The following RAB13 variants were observed in gnomAD, a reference collection of about 807,000 sequenced individuals.
RAB13 encodes the protein RAB13, member RAS oncogene family.
Under a neutral mutation model 29.3 loss-of-function variants are expected in RAB13, and 15 were observed. The observed-to-expected ratio is 0.51, with a 90% CI of 0.34 to 0.79. RAB13 has a LOEUF of 0.79. Ranked by LOEUF, RAB13 falls within the 30% of genes least tolerant of loss-of-function variation. The pLI, the probability that RAB13 is intolerant of heterozygous loss-of-function variation, is 0.01. For missense variants in RAB13, 186 were observed against 255.5 expected, an observed-to-expected ratio of 0.73 and a Z score of 1.85; for synonymous variants, 82 against 93.8, an observed-to-expected ratio of 0.87 and a Z score of 0.73.
At chr1:153,984,308 C>T (rs1649094453) in intron 2 of RAB13, among the ~76,000 whole-genome samples, 1 of 152,124 alleles carries the variant, frequency 6.6e-6, no homozygotes, top group Admixed American at 6.6e-5. Context: ...AGCATAATGC[C>T]TCCACTAAGC....
intron 3 of RAB13, 96 bp from the exon 4 acceptor site, chr1:153,983,392 C>T (rs1649059075): frequency 3.4e-6 from 5 of 1,467,500 alleles, no homozygotes; most frequent in African/African-American, 1.4e-5. Context: ...AACACTAGGC[C>T]ATGTTGGGCC....
At chr1:153,988,754 C>A (rs1021230780), upstream of RAB13, among the ~76,000 whole-genome samples, 4 of 149,018 alleles carry the variant, frequency 2.7e-5, no homozygotes, top group East Asian at 3.9e-4. Flanking sequence ...GCTGAAATTA[C>A]AGACACCCGC....
chr1:153,983,907 TGGCTTGCGTCTATAA>T (rs1649074776), intron 2 of RAB13, among the ~76,000 whole-genome samples: 1 of 152,188 alleles, frequency 6.6e-6, no homozygotes, highest in East Asian at 1.9e-4. Flanking sequence ...CCAGGTGCCG[TGGCTTGCGTCTATAA>T]TCCCAACACT....
chr1:153,990,224 C>T (rs1350276489), upstream of RAB13, among the ~76,000 whole-genome samples: 1 of 152,150 alleles, frequency 6.6e-6, no homozygotes, highest in Non-Finnish European at 1.5e-5. Flanking sequence ...CGCCACCACG[C>T]CTGGCTAATT....
chr1:153,983,606 G>C (rs1324737453), intron 2 of RAB13, 25 bp from the exon 3 acceptor site: 1 of 1,569,438 alleles, frequency 6.4e-7, no homozygotes, highest in Non-Finnish European at 8.8e-7. Flanking sequence ...GTTTTCATGG[G>C]ATGGAATAGA....
chr1:153,982,047 C>G lies in RAB13; in HGVS notation c.*52G>C, dbSNP rs948471635. The G allele has an allele frequency of 6.7e-7, 1 of 1,500,914 alleles. No individual in the cohort carries two copies. Among genetic ancestry groups the G allele is most frequent in the African/African-American group, 1.4e-5 (1 of 72,384 alleles). 93.0% of individuals were successfully genotyped at this position (1,500,914 alleles called of 1,614,324 possible). A position where few individuals can be genotyped will look rare whatever the true frequency, so the allele number is the denominator to read the frequency against. On this transcript the variant is annotated 3_prime_UTR_variant, in exon 8 of 8. Transcript: ENST00000368575. ...ATTTCTCCCCTGCTCACTCCCTCTG[C>G]CGTTGTCTCCCTCAGGTTCAGCTTC...
chr1:153,982,430 C>A lies in RAB13; in HGVS notation c.495G>T (p.Leu165=), dbSNP rs1319495647. 1 of 1,613,980 alleles carries A rather than the reference C, an allele frequency of 6.2e-7. No homozygotes were observed. Among genetic ancestry groups the A allele is most frequent in the Admixed American group, 1.7e-5 (1 of 60,004 alleles). ...CTGACTTGAGCAAGATGTCCCGGGC[C>A]AGGGAACTAAAAGCCTAAAGTGGGG... The part of the protein sequence containing the change: ...SMNVDEAFSS[L]ARDILLKSGG... Residue 165 remains leucine, a synonymous_variant, in exon 7 of 8, where the codon CTG becomes CTT. Coordinates refer to ENST00000368575, the MANE Select transcript of RAB13 (RefSeq NM_002870.5).
chr1:153,984,293 G>A (rs1181542701), intron 2 of RAB13, among the ~76,000 whole-genome samples: 3 of 151,724 alleles, frequency 2.0e-5, no homozygotes, highest in East Asian at 1.9e-4. Context: ...GCTCTTATAT[G>A]TCATAGCATA....
intron 1 of RAB13, 117 bp from the exon 2 acceptor site, chr1:153,984,898 T>C: frequency 7.1e-7 from 1 of 1,408,214 alleles, no homozygotes; most frequent in Admixed American, 3.3e-5. Flanking sequence ...GGGGAGGCAC[T>C]TGGGGAACAA....
At position 153,981,860 on chromosome 1, in the gene RAB13, C is replaced by A; in HGVS notation, c.*239G>T. The A allele has an allele frequency of 3.5e-6, 2 of 575,058 alleles. No homozygotes were observed. The highest frequency in any genetic ancestry group is 4.3e-5 in the South Asian group (2 of 46,986). The allele number at this position is 575,058 out of a possible 1,614,324, so 35.6% of individuals were successfully genotyped here. On this transcript the variant is annotated 3_prime_UTR_variant, in exon 8 of 8. Coordinates refer to ENST00000368575, the MANE Select transcript of RAB13 (RefSeq NM_002870.5). ...AGGCATCTCTCCTTCCTTTCCTCCT[C>A]CCTCTCTTCCTACCTCCTTGCCTTC...
upstream of RAB13, chr1:153,990,621 A>G (rs1649330323): frequency 2.7e-6 from 2 of 741,672 alleles, no homozygotes; most frequent in Non-Finnish European, 4.7e-6. Context: ...ACTAACAGTT[A>G]AAGACCTTCC....
In RAB13 at chr1:153,981,964, C is replaced by T; in HGVS notation, c.*135G>A. Reference sequence around the variant, plus strand: ...TTTCCTTTCTGCTTTTCCCTTTTCTCCTTTTTCTCCTCATTCTCTTTACCA... The same window carrying T: ...TTTCCTTTCTGCTTTTCCCTTTTCTTCTTTTTCTCCTCATTCTCTTTACCA... On this transcript the variant is annotated 3_prime_UTR_variant, in exon 8 of 8. Transcript: ENST00000368575. The T allele has an allele frequency of 1.4e-6, 1 of 728,354 alleles. No individual in the cohort carries two copies. The highest frequency in any genetic ancestry group is 2.4e-6 in the Non-Finnish European group (1 of 419,934). 45.1% of individuals were successfully genotyped at this position (728,354 alleles called of 1,614,324 possible).
chr1:153,987,288 C>T (rs1441517166), upstream of RAB13, among the ~76,000 whole-genome samples: 3 of 151,830 alleles, frequency 2.0e-5, no homozygotes, highest in Non-Finnish European at 2.9e-5. Flanking sequence ...GGGCGGATCA[C>T]GAGGTCAGGA....
At chr1:153,984,625 A>G in intron 2 of RAB13, 96 bp downstream of exon 2, 1 of 1,105,412 alleles carries the variant, frequency 9.0e-7, no homozygotes, top group Non-Finnish European at 1.4e-6. Context: ...TAGAAGGAGC[A>G]ATGGGGAAAG....
chr1:153,986,419 C>A, upstream of RAB13: 1 of 600,394 alleles, frequency 1.7e-6, no homozygotes, highest in Non-Finnish European at 2.9e-6. Flanking sequence ...TGCCCGCCCA[C>A]CCTTTTGAGC....
intron 4 of RAB13, 110 bp downstream of exon 4, chr1:153,983,109 G>C: frequency 2.0e-6 from 2 of 993,926 alleles, no homozygotes; most frequent in South Asian, 1.3e-5. Context: ...CGGGCAACAA[G>C]AGCAAAACTT....
At position 153,983,241 on chromosome 1, in the gene RAB13, T is replaced by C. The variant is rs1649053356; in HGVS notation, c.302A>G (p.Asn101Ser). The C allele has an allele frequency of 6.2e-7, 1 of 1,613,932 alleles. No individual in the cohort carries two copies. Among genetic ancestry groups the C allele is most frequent in the South Asian group, 1.1e-5 (1 of 91,076 alleles). The change falls in exon 4 of 8, where the codon AAC (asparagine) becomes AGC (serine). Residue 101 changes from asparagine to serine, a missense_variant. Physicochemically the swap from Asn to Ser is conservative, Grantham distance 46. Coordinates refer to ENST00000368575, the MANE Select transcript of RAB13 (RefSeq NM_002870.5). ...CACCTCCTTGATGCTTTTCATCCAG[T>C]TCTGAATATTCTCGAAAGATTTCTC... Reference protein sequence around the residue: ...TDEKSFENIQNWMKSIKENAS... With the variant: ...TDEKSFENIQSWMKSIKENAS...
rs1271816392 is a variant in RAB13, at chr1:153,984,045, C to T, written c.186-464G>A. Among the ~76,000 whole-genome samples, 11 of 151,680 alleles carry T rather than the reference C, an allele frequency of 7.3e-5. No homozygotes were observed. The East Asian group carries it at 1.2e-3, about 16-fold the overall frequency. ...TACAAAAATTAGCCCGGCCTAGTGG[C>T]GGGCGCCTGTAATCCCAGCTACTTG... On this transcript the variant is annotated intron_variant, in intron 2 of 7. Coordinates refer to ENST00000368575, the MANE Select transcript of RAB13 (RefSeq NM_002870.5).
upstream of RAB13, among the ~76,000 whole-genome samples, chr1:153,987,528 A>AAGAAAAAG (rs1553215354): frequency 1.6e-5 from 2 of 127,488 alleles, no homozygotes; most frequent in African/African-American, 5.8e-5. Context: ...AAAAAAAAAA[A>AAGAAAAAG]AAAGAAAGAA....
Sources: gnomAD v4.1 joint callset for allele counts (sites outside exome capture counted in the v4.1 genomes callset) on GRCh38, gnomAD v4.1.1 for gene constraint, MANE v1.5 for transcripts, NCBI Gene and HGNC (gene_info 2026-07-23, HGNC 2026-07-21) for gene names.